RANBP10: variants seen among roughly 807,000 people sequenced by gnomAD.
The protein encoded by RANBP10 is ran-binding protein 10.
In RANBP10, 24 loss-of-function variants were observed where a neutral mutation model predicts 72.8. That is an observed-to-expected ratio of 0.33 (90% CI 0.24 to 0.46). RANBP10 has a LOEUF of 0.46. RANBP10 is among the 20% of genes least tolerant of loss of function. RANBP10 has a pLI of 1.00. For synonymous variants in RANBP10, 310 were observed against 322.3 expected (o/e 0.96, Z 0.41); for missense variants, 679 against 817.5 (o/e 0.83, Z 2.07).
At chr16:67,797,599 C>T (rs1331041754) in intron 2 of RANBP10, among the ~76,000 whole-genome samples, 1 of 152,194 alleles carries the variant, frequency 6.6e-6, no homozygotes, top group East Asian at 1.9e-4. Context: ...CATTTGAGGT[C>T]AGGAGTTCAA....
Position 67,729,277 on chromosome 16 carries a change from C to A in RANBP10, c.1352+3G>T. ...AGAGGAGGAAGCAGAGCAAGGCAGG[C>A]ACCTGGTCTCCTGGTTACTGGTACT... On this transcript the variant is annotated splice_donor_region_variant and intron_variant, in intron 10 of 13. Transcript: ENST00000317506. This position sits in a 1 kb window ranked among gnomAD's most constrained non-coding sequence, Gnocchi z 7.1. The A allele has an allele frequency of 6.2e-7, 1 of 1,611,786 alleles. No homozygotes were observed. The highest frequency in any genetic ancestry group is 8.5e-7 in the Non-Finnish European group (1 of 1,179,584).
At chr16:67,805,830 C>G (rs1486284051) in intron 1 of RANBP10, among the ~76,000 whole-genome samples, 1 of 152,236 alleles carries the variant, frequency 6.6e-6, no homozygotes, top group Non-Finnish European at 1.5e-5. Flanking sequence ...AGAATCCAGG[C>G]AGCCCACCTG....
chr16:67,779,544 A>G (rs1010593566), intron 2 of RANBP10, among the ~76,000 whole-genome samples: 2 of 152,192 alleles, frequency 1.3e-5, no homozygotes, highest in African/African-American at 4.8e-5. Context: ...GCATCTATGG[A>G]ACAGGAAGAA....
chr16:67,756,111 T>C (rs768031348), intron 3 of RANBP10, among the ~76,000 whole-genome samples: 1 of 152,266 alleles, frequency 6.6e-6, no homozygotes, highest in African/African-American at 2.4e-5. Flanking sequence ...GCAGAAATCA[T>C]TTATCACCTT....
chr16:67,729,192 G>A lies in RANBP10; in HGVS notation c.1352+88C>T. 1 of 1,549,066 alleles carries A rather than the reference G, an allele frequency of 6.5e-7. No individual in the cohort carries two copies. Among genetic ancestry groups the A allele is most frequent in the Non-Finnish European group, 8.7e-7 (1 of 1,147,770 alleles). ...CAGACCTGAGATGGAGGCTGGGGGT[G>A]AAGGGCAGGGCGCTCAAAGGACAGA... On this transcript the variant is annotated intron_variant, in intron 10 of 13. Coordinates refer to ENST00000317506, the MANE Select transcript of RANBP10 (RefSeq NM_020850.3). The surrounding 1 kb of genome is among the most constrained non-coding windows in gnomAD (Gnocchi z 7.1).
chr16:67,799,048 C>T (rs894794801), intron 2 of RANBP10, among the ~76,000 whole-genome samples: 3 of 151,940 alleles, frequency 2.0e-5, no homozygotes, highest in African/African-American at 7.3e-5. Flanking sequence ...GCCTCAGCCT[C>T]CCAAGTAGCT....
chr16:67,795,261 T>C (rs2055108782), intron 2 of RANBP10, among the ~76,000 whole-genome samples: 1 of 150,162 alleles, frequency 6.7e-6, no homozygotes, highest in Non-Finnish European at 1.5e-5. Context: ...ATAAATAGGC[T>C]GGGTGCGGTG....
At chr16:67,780,393 A>C (rs1245134319) in intron 2 of RANBP10, among the ~76,000 whole-genome samples, 1 of 152,190 alleles carries the variant, frequency 6.6e-6, no homozygotes, top group Non-Finnish European at 1.5e-5. Flanking sequence ...TGGGCTGTGC[A>C]TGCACAGCCT....
rs1186108487 is a variant in RANBP10, at chr16:67,803,830, TA to T, written c.347+1597del. ...GAGACAGAGCAAGACCCCATCTCAT[TA>T]AAAAAAAAAAAAAAAAAAAAGAGAG... On this transcript the variant is annotated intron_variant, in intron 2 of 13. Coordinates refer to ENST00000317506, the MANE Select transcript of RANBP10 (RefSeq NM_020850.3). 6.1e-3 allele frequency among the ~76,000 whole-genome samples: 556 copies of T among 91,602 alleles called. 3 individuals carry two copies. Among genetic ancestry groups the T allele is most frequent in the African/African-American group, 0.014 (366 of 25,866 alleles). The allele number at this position is 91,602 out of a possible 152,430, so 60.1% of individuals were successfully genotyped here. A position where few individuals can be genotyped will look rare whatever the true frequency, so the allele number is the denominator to read the frequency against.
Position 67,725,803 on chromosome 16 carries a change from C to T in RANBP10, c.*625G>A, listed in dbSNP as rs2053586621. 6.6e-6 allele frequency: 1 copy of T among 152,304 alleles called. No individual in the cohort carries two copies. Among genetic ancestry groups the T allele is most frequent in the Non-Finnish European group, 1.5e-5 (1 of 67,960 alleles). 9.4% of individuals were successfully genotyped at this position (152,304 alleles called of 1,614,324 possible). A position where few individuals can be genotyped will look rare whatever the true frequency, so the allele number is the denominator to read the frequency against. Reference sequence around the variant, plus strand: ...TCCTAGGCTGCAGCTCGGCCTGTGACTCAAAAAAGGGGGAGCAAAAAATAA... The same window carrying T: ...TCCTAGGCTGCAGCTCGGCCTGTGATTCAAAAAAGGGGGAGCAAAAAATAA... On this transcript the variant is annotated 3_prime_UTR_variant, in exon 14 of 14. Coordinates refer to ENST00000317506, the MANE Select transcript of RANBP10 (RefSeq NM_020850.3).
chr16:67,727,567 G>A, intron 12 of RANBP10, 129 bp from the exon 13 acceptor site: 1 of 1,312,218 alleles, frequency 7.6e-7, no homozygotes, highest in Non-Finnish European at 1.1e-6. Flanking sequence ...GGTCGGGCAG[G>A]GCTGTACTCT....
At chr16:67,786,791 G>A (rs1279298765) in intron 2 of RANBP10, among the ~76,000 whole-genome samples, 2 of 152,064 alleles carry the variant, frequency 1.3e-5, no homozygotes, top group African/African-American at 4.8e-5. Context: ...GCCAGGCGTA[G>A]TGGTACACAC....
At chr16:67,732,629 A>C (rs2053756241) in intron 6 of RANBP10, among the ~76,000 whole-genome samples, 1 of 152,146 alleles carries the variant, frequency 6.6e-6, no homozygotes. Context: ...TATAAATAAT[A>C]ATTATCAGCT....
At chr16:67,765,199 CAAAAAAA>C (rs569942198) in intron 3 of RANBP10, among the ~76,000 whole-genome samples, 5 of 11,646 alleles carry the variant, frequency 4.3e-4, no homozygotes, top group East Asian at 5.5e-3. Flanking sequence ...GACTCCATCT[CAAAAAAA>C]AAAAAAAAAA....
intron 3 of RANBP10, among the ~76,000 whole-genome samples, chr16:67,767,157 T>C (rs1449572937): frequency 6.6e-6 from 1 of 152,128 alleles, no homozygotes; most frequent in Non-Finnish European, 1.5e-5. Context: ...TTAAGTCTCA[T>C]ATTGTGAAAA....
At chr16:67,745,453 G>A (rs981122611) in intron 3 of RANBP10, among the ~76,000 whole-genome samples, 3 of 151,852 alleles carry the variant, frequency 2.0e-5, no homozygotes, top group Non-Finnish European at 2.9e-5. Context: ...TCTTGCCTCA[G>A]CCTCTGGAGT....
At chr16:67,768,783 T>G (rs2054550812) in intron 3 of RANBP10, among the ~76,000 whole-genome samples, 2 of 152,220 alleles carry the variant, frequency 1.3e-5, no homozygotes, top group African/African-American at 4.8e-5. Flanking sequence ...GACCACATCC[T>G]AAGACTACCT....
chr16:67,777,151 A>C (rs947726924), intron 2 of RANBP10, among the ~76,000 whole-genome samples: 1 of 151,960 alleles, frequency 6.6e-6, no homozygotes, highest in Non-Finnish European at 1.5e-5. Flanking sequence ...TGGAAGTTGC[A>C]GTGAGCCAAT....
chr16:67,726,968 G>A (rs2053613856), intron 13 of RANBP10, among the ~76,000 whole-genome samples: 1 of 152,202 alleles, frequency 6.6e-6, no homozygotes, highest in Admixed American at 6.5e-5. Flanking sequence ...GAACCACCCA[G>A]GTAGCTATGG....
Sources: gnomAD v4.1 joint callset for allele counts (sites outside exome capture counted in the v4.1 genomes callset) on GRCh38, gnomAD v4.1.1 for gene constraint, Gnocchi (gnomAD v3.1) non-coding constraint, MANE v1.5 for transcripts, NCBI Gene and HGNC (gene_info 2026-07-23, HGNC 2026-07-21) for gene names.